The following EPHB1 variants were observed in gnomAD, a reference collection of about 807,000 sequenced individuals.
EPHB1 encodes the protein EPH receptor B1.
Under a neutral mutation model 94.4 loss-of-function variants are expected in EPHB1, and 30 were observed. That is an observed-to-expected ratio of 0.32 (90% CI 0.24 to 0.43). The LOEUF (loss-of-function observed/expected upper bound fraction) is 0.43, where lower values mean the gene tolerates loss of function less well. Among genes scored for constraint, EPHB1 ranks in the 20% least tolerant of loss-of-function variants. The pLI, the probability that EPHB1 is intolerant of heterozygous loss-of-function variation, is 1.00. For synonymous variants in EPHB1, 522 were observed against 489.1 expected, an observed-to-expected ratio of 1.07 and a Z score of -0.89; for missense variants, 1,055 against 1,308.3, an observed-to-expected ratio of 0.81 and a Z score of 2.99.
intron 1 of EPHB1, among the ~76,000 whole-genome samples, chr3:134,891,442 T>G (rs1020584541): frequency 6.6e-6 from 1 of 152,160 alleles, no homozygotes; most frequent in African/African-American, 2.4e-5. Flanking sequence ...ATTTCTGATG[T>G]TTTTCATTAA....
At chr3:135,148,258 G>A (rs1447882572) in intron 5 of EPHB1, among the ~76,000 whole-genome samples, 2 of 152,188 alleles carry the variant, frequency 1.3e-5, no homozygotes, top group Non-Finnish European at 2.9e-5. Flanking sequence ...AACAAAATGA[G>A]TAAGAAGAAA....
At chr3:135,229,339 GA>G (rs1943477744) in intron 12 of EPHB1, among the ~76,000 whole-genome samples, 1 of 152,230 alleles carries the variant, frequency 6.6e-6, no homozygotes, top group African/African-American at 2.4e-5. Context: ...TAACTGCTGG[GA>G]TTGTTTGCGG....
chr3:134,984,588 C>T (rs1000525740), intron 3 of EPHB1, among the ~76,000 whole-genome samples: 32 of 144,776 alleles, frequency 2.2e-4, no homozygotes, highest in Non-Finnish European at 3.7e-4. Context: ...ACCTGGGCCC[C>T]AGAGAGGGAA....
rs186429621 is a variant in EPHB1 at position 135,194,496 on chromosome 3, C to T, written c.2130+1673C>T. On this transcript the variant is annotated intron_variant, in intron 11 of 15. Coordinates refer to ENST00000398015, the MANE Select transcript of EPHB1 (RefSeq NM_004441.5). ...GCAGGTAGGTAGGCTGATGGAACAGCGAAACAGTGTATATGAAGGCCGAAG... is the reference window on the plus strand; with the variant it reads ...GCAGGTAGGTAGGCTGATGGAACAGTGAAACAGTGTATATGAAGGCCGAAG... Among the ~76,000 whole-genome samples, 51 of 152,198 alleles carry T rather than the reference C, an allele frequency of 3.4e-4. No homozygotes were observed. In the East Asian group the frequency reaches 8.1e-3, roughly 24 times the overall value.
chr3:135,157,389 C>T (rs1338668950), intron 6 of EPHB1, among the ~76,000 whole-genome samples: 2 of 152,254 alleles, frequency 1.3e-5, no homozygotes, highest in African/African-American at 2.4e-5. Flanking sequence ...AGCTCCTCTA[C>T]TACCTTTCCC....
At chr3:135,030,318 A>AT (rs1255270471) in intron 3 of EPHB1, among the ~76,000 whole-genome samples, 2 of 151,346 alleles carry the variant, frequency 1.3e-5, no homozygotes, top group Non-Finnish European at 2.9e-5. Context: ...TAGAGTTTCC[A>AT]TTTTTTCTGT....
At chr3:134,970,047 A>G (rs759296201) in intron 3 of EPHB1, among the ~76,000 whole-genome samples, 2 of 152,226 alleles carry the variant, frequency 1.3e-5, no homozygotes, top group African/African-American at 2.4e-5. Context: ...ATTTTCTTTC[A>G]GTCTGTAACT....
intron 4 of EPHB1, among the ~76,000 whole-genome samples, chr3:135,132,242 C>A (rs1472275375): frequency 6.6e-6 from 1 of 152,160 alleles, no homozygotes; most frequent in African/African-American, 2.4e-5. Context: ...CCAGATAGAT[C>A]CCAAATGTGT....
At chr3:134,931,271 C>T (rs1405945000) in intron 2 of EPHB1, among the ~76,000 whole-genome samples, 1 of 152,234 alleles carries the variant, frequency 6.6e-6, no homozygotes, top group Non-Finnish European at 1.5e-5. Context: ...CTTTCAGCCC[C>T]TGGCTGTGAT....
At chr3:135,046,226 G>A (rs1244640576) in intron 3 of EPHB1, among the ~76,000 whole-genome samples, 3 of 152,206 alleles carry the variant, frequency 2.0e-5, no homozygotes, top group African/African-American at 4.8e-5. Context: ...AAAGAGCCAT[G>A]AGACCAAAAA....
chr3:134,996,373 A>G (rs995853461), intron 3 of EPHB1, among the ~76,000 whole-genome samples: 2 of 151,914 alleles, frequency 1.3e-5, no homozygotes, highest in East Asian at 1.9e-4. Context: ...TTTTGTAGAG[A>G]TGGGGTTTTG....
At chr3:134,989,386 T>C (rs902054537) in intron 3 of EPHB1, among the ~76,000 whole-genome samples, 1 of 152,224 alleles carries the variant, frequency 6.6e-6, no homozygotes, top group African/African-American at 2.4e-5. Flanking sequence ...GCTGTTGATA[T>C]TCTACTTATG....
intron 3 of EPHB1, among the ~76,000 whole-genome samples, chr3:135,060,640 T>C (rs1576354061): frequency 1.3e-5 from 2 of 152,300 alleles, no homozygotes; most frequent in Admixed American, 1.3e-4. Context: ...TTAAAACTTT[T>C]TTATTTTTAA....
chr3:134,801,015 A>G (rs555754081), intron 1 of EPHB1, among the ~76,000 whole-genome samples: 1 of 152,330 alleles, frequency 6.6e-6, no homozygotes, highest in South Asian at 2.1e-4. Flanking sequence ...CTTTGCATGA[A>G]GGAAGACTCA....
intron 3 of EPHB1, among the ~76,000 whole-genome samples, chr3:135,062,404 T>C (rs1009606271): frequency 6.6e-6 from 1 of 152,352 alleles, no homozygotes; most frequent in Admixed American, 6.5e-5. Flanking sequence ...TAAAGTGGTG[T>C]TGCACTGTGG....
At chr3:135,190,136 G>A (rs553561216) in intron 10 of EPHB1, among the ~76,000 whole-genome samples, 1 of 152,342 alleles carries the variant, frequency 6.6e-6, no homozygotes, top group South Asian at 2.1e-4. Context: ...GTGTGATTGG[G>A]ACATGTTTTC....
Position 134,907,583 on chromosome 3 carries a change from A to G in EPHB1, c.59-18233A>G, listed in dbSNP as rs1324421407. On this transcript the variant is annotated intron_variant, in intron 1 of 15. Coordinates refer to ENST00000398015, the MANE Select transcript of EPHB1 (RefSeq NM_004441.5). Reference sequence around the variant, plus strand: ...GCAAGTGCTTTGCTGATTGCCAGTTATCATCATTGCATTACATACATTAGA... The same window carrying G: ...GCAAGTGCTTTGCTGATTGCCAGTTGTCATCATTGCATTACATACATTAGA... 2.6e-5 allele frequency among the ~76,000 whole-genome samples: 4 copies of G among 152,234 alleles called. No individual in the cohort carries two copies. In the East Asian group the frequency reaches 5.8e-4, roughly 22 times the overall value.
chr3:135,076,234 G>GAT (rs60727518), intron 3 of EPHB1, among the ~76,000 whole-genome samples: 16,457 of 130,750 alleles, frequency 0.13, 1,274 homozygotes, highest in East Asian at 0.21. Context: ...TCTGAAAAGG[G>GAT]ATATATATAT....
At chr3:134,912,414 G>C (rs945965443) in intron 1 of EPHB1, among the ~76,000 whole-genome samples, 2 of 152,216 alleles carry the variant, frequency 1.3e-5, no homozygotes, top group Non-Finnish European at 2.9e-5. Flanking sequence ...AATAGGTGTA[G>C]CACTGAGTAG....
Sources: allele counts gnomAD v4.1 joint callset (sites outside exome capture counted in the v4.1 genomes callset), GRCh38; gene constraint gnomAD v4.1.1; transcripts MANE v1.5; gene names NCBI Gene and HGNC (gene_info 2026-07-23, HGNC 2026-07-21).